The following KDM4C variants were observed in gnomAD, a reference collection of about 807,000 sequenced individuals.
The protein encoded by KDM4C is lysine demethylase 4C.
A neutral mutation model predicts 129.3 loss-of-function variants in KDM4C; 81 were observed. The observed-to-expected ratio is 0.63, with a 90% confidence interval of 0.52 to 0.75. The LOEUF (loss-of-function observed/expected upper bound fraction) is 0.75, where lower values mean the gene tolerates loss of function less well. KDM4C is among the 30% of genes least tolerant of loss of function. The probability of loss-of-function intolerance (pLI) is 0.00; values close to 1 mark genes in which losing one functional copy is unlikely to be tolerated. For missense variants in KDM4C, 1,457 were observed against 1,304.0 expected (o/e 1.12, Z -1.81); for synonymous variants, 573 against 456.1 (o/e 1.26, Z -3.26).
chr9:7,030,876 G>A (rs1291266457), intron 15 of KDM4C, among the ~76,000 whole-genome samples: 2 of 151,954 alleles, frequency 1.3e-5, no homozygotes, highest in Non-Finnish European at 2.9e-5. Context: ...AAATGTAAGA[G>A]CACTTTATAG....
At chr9:6,764,278 A>G (rs1368720355) in intron 1 of KDM4C, among the ~76,000 whole-genome samples, 1 of 152,214 alleles carries the variant, frequency 6.6e-6, no homozygotes, top group East Asian at 1.9e-4. Flanking sequence ...AGATATATGT[A>G]GCATAGAACA....
At chr9:7,031,666 T>TTA (rs938279248) in intron 15 of KDM4C, among the ~76,000 whole-genome samples, 3 of 151,954 alleles carry the variant, frequency 2.0e-5, no homozygotes, top group South Asian at 2.1e-4. Flanking sequence ...CACCAATATT[T>TTA]TATATATATA....
chr9:6,750,984 T>C (rs1266381059), intron 1 of KDM4C, among the ~76,000 whole-genome samples: 1 of 152,172 alleles, frequency 6.6e-6, no homozygotes, highest in Admixed American at 6.6e-5. Context: ...TTGGTTATTT[T>C]TTCATGAAAC....
intron 8 of KDM4C, among the ~76,000 whole-genome samples, chr9:6,974,362 T>C (rs1038010211): frequency 2.6e-5 from 4 of 152,178 alleles, no homozygotes; most frequent in African/African-American, 4.8e-5. Flanking sequence ...TCTGTCTGCT[T>C]TTTTGTCTTT....
chr9:6,724,583 T>A (rs1588027642), intron 1 of KDM4C, among the ~76,000 whole-genome samples: 1 of 152,138 alleles, frequency 6.6e-6, no homozygotes, highest in East Asian at 1.9e-4. Flanking sequence ...CAGGCTGGAG[T>A]GCAGTGGCAC....
intron 8 of KDM4C, among the ~76,000 whole-genome samples, chr9:6,938,747 A>T (rs866768233): frequency 1.3e-5 from 2 of 152,192 alleles, no homozygotes; most frequent in East Asian, 1.9e-4. Context: ...TACTTCTGCT[A>T]TGCAAATCAT....
chr9:7,109,141 G>C (rs1469386364), intron 18 of KDM4C, among the ~76,000 whole-genome samples: 3 of 152,148 alleles, frequency 2.0e-5, no homozygotes, highest in African/African-American at 7.2e-5. Flanking sequence ...TTTCCCTAAT[G>C]GGCATATGCA....
chr9:6,948,794 G>A (rs1280879175), intron 8 of KDM4C, among the ~76,000 whole-genome samples: 1 of 152,126 alleles, frequency 6.6e-6, no homozygotes, highest in African/African-American at 2.4e-5. Flanking sequence ...AGAGCACCGG[G>A]TTGGGGGTAA....
chr9:7,087,686 G>A (rs1835293861), intron 17 of KDM4C, among the ~76,000 whole-genome samples: 1 of 152,130 alleles, frequency 6.6e-6, no homozygotes, highest in Non-Finnish European at 1.5e-5. Context: ...TAAATTTAAA[G>A]GGAATAAGGA....
At chr9:6,806,980 G>C (rs1167646593) in intron 3 of KDM4C, among the ~76,000 whole-genome samples, 3 of 151,458 alleles carry the variant, frequency 2.0e-5, no homozygotes, top group Non-Finnish European at 4.4e-5. Context: ...TGCCATCTCC[G>C]CTCACTGCAA....
intron 19 of KDM4C, among the ~76,000 whole-genome samples, chr9:7,146,902 T>C (rs1483021204): frequency 6.6e-6 from 1 of 152,234 alleles, no homozygotes; most frequent in Admixed American, 6.5e-5. Flanking sequence ...TCAGGGTTCT[T>C]GGCTTCTCAG....
chr9:7,103,105 A>T (rs1587653633), intron 17 of KDM4C, among the ~76,000 whole-genome samples: 1 of 151,892 alleles, frequency 6.6e-6, no homozygotes, highest in Non-Finnish European at 1.5e-5. Flanking sequence ...TGGGAGGCAT[A>T]TTTTTTTTGT....
intron 15 of KDM4C, among the ~76,000 whole-genome samples, chr9:7,017,095 C>A (rs1823838300): frequency 6.6e-6 from 1 of 152,092 alleles, no homozygotes; most frequent in Non-Finnish European, 1.5e-5. Flanking sequence ...GCCACCATGC[C>A]TGGGTAATTT....
intron 17 of KDM4C, among the ~76,000 whole-genome samples, chr9:7,080,869 C>T (rs1365322349): frequency 6.6e-6 from 1 of 152,146 alleles, no homozygotes; most frequent in Non-Finnish European, 1.5e-5. Context: ...TAAGCAAAAA[C>T]GTTCACTGAC....
chr9:7,055,387 T>A (rs1830733407), intron 17 of KDM4C, among the ~76,000 whole-genome samples: 1 of 152,216 alleles, frequency 6.6e-6, no homozygotes, highest in Non-Finnish European at 1.5e-5. Context: ...GACCTCTGAT[T>A]TGTGTTTGAC....
chr9:6,824,914 C>T (rs563133836), intron 4 of KDM4C, among the ~76,000 whole-genome samples: 3 of 151,888 alleles, frequency 2.0e-5, no homozygotes, highest in East Asian at 1.9e-4. Context: ...GAGGCCGAGG[C>T]GGGTGGATCA....
Position 7,122,265 on chromosome 9 carries a change from A to ACACACTCT in KDM4C, c.2611-5800_2611-5799insACACTCTC, listed in dbSNP as rs375655422. Among the ~76,000 whole-genome samples, 178 of 144,816 alleles carry ACACACTCT rather than the reference A, an allele frequency of 1.2e-3. 1 individual carries two copies. Among genetic ancestry groups the ACACACTCT allele is most frequent in the East Asian group, 0.011 (53 of 4,840 alleles). ...CACACACACACACACACACACACAC[A>ACACACTCT]CTCTCTCTCTCTCTCTCTCTTAAAC... is the stretch of plus-strand genomic sequence containing the variant. On this transcript the variant is annotated intron_variant, in intron 18 of 21. Coordinates refer to ENST00000381309, the MANE Select transcript of KDM4C (RefSeq NM_015061.6).
At chr9:6,874,026 C>T (rs557678132) in intron 5 of KDM4C, among the ~76,000 whole-genome samples, 10 of 152,184 alleles carry the variant, frequency 6.6e-5, no homozygotes, top group Non-Finnish European at 1.0e-4. Context: ...TGTTCACGCT[C>T]TTATGTGGGC....
intron 4 of KDM4C, among the ~76,000 whole-genome samples, chr9:6,844,645 G>A (rs1471532017): frequency 6.6e-6 from 1 of 152,224 alleles, no homozygotes; most frequent in Non-Finnish European, 1.5e-5. Context: ...AAGAGCTAGA[G>A]TTAAAGAGGA....
Sources: gnomAD v4.1 joint callset for allele counts (sites outside exome capture counted in the v4.1 genomes callset) on GRCh38, gnomAD v4.1.1 for gene constraint, MANE v1.5 for transcripts, NCBI Gene and HGNC (gene_info 2026-07-23, HGNC 2026-07-21) for gene names.